Variants in C12orf42 observed in about 807,000 individuals in gnomAD.
C12orf42 encodes chromosome 12 open reading frame 42, also known as uncharacterized protein C12orf42.
C12orf42 carries 25 observed loss-of-function variants against 21.6 expected under a neutral mutation model. The ratio of observed to expected loss-of-function variants is 1.16; its 90% CI spans 0.84 to 1.62. The LOEUF is 1.62. C12orf42 is among the 40% of genes most tolerant of loss of function. The probability of loss-of-function intolerance (pLI) is 0.00; values close to 1 mark genes in which losing one functional copy is unlikely to be tolerated. For synonymous variants in C12orf42, 174 were observed against 175.0 expected, an observed-to-expected ratio of 0.99 and a Z score of 0.05; for missense variants, 483 against 459.3, an observed-to-expected ratio of 1.05 and a Z score of -0.47.
At chr12:103,074,120 G>C in the C12orf42 span, among the ~76,000 whole-genome samples, 8 of 152,140 alleles carry the variant, frequency 5.3e-5, no homozygotes, top group Non-Finnish European at 1.0e-4. Flanking sequence ...CATGTTTACG[G>C]GGAGTTAACC....
At chr12:103,344,107 G>T (rs148270777) in intron 4 of C12orf42, among the ~76,000 whole-genome samples, 1 of 152,282 alleles carries the variant, frequency 6.6e-6, no homozygotes, top group East Asian at 1.9e-4. Flanking sequence ...GAAAAAGGGT[G>T]GAGGCCCTCC....
At chr12:103,069,004 C>T in the C12orf42 span, among the ~76,000 whole-genome samples, 3 of 113,452 alleles carry the variant, frequency 2.6e-5, no homozygotes, top group African/African-American at 9.8e-5. Flanking sequence ...CCTATTAGTT[C>T]TGTCCCTCAA....
intron 4 of C12orf42, among the ~76,000 whole-genome samples, chr12:103,367,496 A>G (rs2044713311): frequency 6.6e-6 from 1 of 151,958 alleles, no homozygotes; most frequent in Admixed American, 6.6e-5. Flanking sequence ...TGAATGAGAA[A>G]GCACTCAATG....
rs75839755 is a variant in C12orf42 at position 103,309,806 on chromosome 12, C to T, written c.260-3461G>A. The stretch of plus-strand genomic sequence containing the variant: ...CTGAATTCAAGGCACAGTCAAATGG[C>T]AAAGAGGGCATTGGCCATGCCAGGT... On this transcript the variant is annotated intron_variant, in intron 4 of 5. Transcript: ENST00000548883. Among the ~76,000 whole-genome samples the T allele has an allele frequency of 8.9e-3, 1,357 of 152,322 alleles. 12 individuals are homozygous for T. The highest frequency in any genetic ancestry group is 0.031 in the African/African-American group (1,291 of 41,570).
At chr12:103,229,049 C>T in the C12orf42 span, among the ~76,000 whole-genome samples, 1 of 152,130 alleles carries the variant, frequency 6.6e-6, no homozygotes, top group East Asian at 1.9e-4. Flanking sequence ...ACCTATTATA[C>T]ACAGTGTATA....
chr12:103,478,639 G>A (rs538547599), intron 1 of C12orf42, among the ~76,000 whole-genome samples, 192 bp from the exon 2 acceptor site: 1 of 148,504 alleles, frequency 6.7e-6, no homozygotes, highest in Admixed American at 6.8e-5. Flanking sequence ...GCCCAGGCTG[G>A]TCTTGAACTA....
intron 2 of C12orf42, among the ~76,000 whole-genome samples, chr12:103,445,884 T>C (rs1951544723): frequency 6.6e-6 from 1 of 152,050 alleles, no homozygotes; most frequent in Non-Finnish European, 1.5e-5. Flanking sequence ...ATTTGTCATT[T>C]TTATTTAAGT....
chr12:103,111,111 A>G, the C12orf42 span, among the ~76,000 whole-genome samples: 2 of 152,158 alleles, frequency 1.3e-5, no homozygotes, highest in African/African-American at 2.4e-5. Flanking sequence ...TTATTTATTT[A>G]TTCTTTCTAT....
At chr12:103,367,137 A>G (rs2044678251) in intron 4 of C12orf42, among the ~76,000 whole-genome samples, 1 of 152,078 alleles carries the variant, frequency 6.6e-6, no homozygotes. Flanking sequence ...AATTAATAGC[A>G]TTCACAGCAA....
At chr12:103,288,969 A>G (rs997626654) in intron 4 of C12orf42, among the ~76,000 whole-genome samples, 1 of 152,166 alleles carries the variant, frequency 6.6e-6, no homozygotes, top group Non-Finnish European at 1.5e-5. Context: ...ATTTCCTCAT[A>G]TCTTGGTTCG....
intron 10 of C12orf42, among the ~76,000 whole-genome samples, chr12:103,246,103 A>G (rs1414946267): frequency 1.3e-5 from 2 of 152,140 alleles, no homozygotes; most frequent in African/African-American, 4.8e-5. Context: ...CTTGCTAACC[A>G]ATTATTATGA....
the C12orf42 span, among the ~76,000 whole-genome samples, chr12:103,053,139 T>C: frequency 6.6e-6 from 1 of 152,020 alleles, no homozygotes; most frequent in African/African-American, 2.4e-5. Flanking sequence ...TGCATATCCA[T>C]ATACTTTGTT....
chr12:103,144,705 T>G, the C12orf42 span, among the ~76,000 whole-genome samples: 3 of 152,312 alleles, frequency 2.0e-5, no homozygotes, highest in South Asian at 6.2e-4. Context: ...GAGAAATTAC[T>G]TAGAATTCAC....
intron 3 of C12orf42, among the ~76,000 whole-genome samples, chr12:103,393,202 G>A (rs2047221373): frequency 6.6e-6 from 1 of 152,182 alleles, no homozygotes; most frequent in African/African-American, 2.4e-5. Flanking sequence ...TCTGCAGGCT[G>A]TACAGGATGC....
At chr12:103,172,687 T>C in the C12orf42 span, among the ~76,000 whole-genome samples, 2 of 152,156 alleles carry the variant, frequency 1.3e-5, no homozygotes, top group Non-Finnish European at 2.9e-5. Context: ...TAATAAATCA[T>C]ACCCAGATTT....
At chr12:103,306,784 T>C (rs1017593604) in intron 4 of C12orf42, among the ~76,000 whole-genome samples, 1 of 152,130 alleles carries the variant, frequency 6.6e-6, no homozygotes, top group Non-Finnish European at 1.5e-5. Context: ...TATTTGGAAA[T>C]AGGGTCTTTG....
intron 3 of C12orf42, among the ~76,000 whole-genome samples, chr12:103,370,911 A>ATTTATATTATTTAT (rs2045161689): frequency 6.6e-6 from 1 of 152,132 alleles, no homozygotes; most frequent in Non-Finnish European, 1.5e-5. Flanking sequence ...ATAAATAAAT[A>ATTTATATTATTTAT]AAAACCACTC....
At chr12:103,185,550 A>G in the C12orf42 span, among the ~76,000 whole-genome samples, 1 of 150,852 alleles carries the variant, frequency 6.6e-6, no homozygotes. Flanking sequence ...GCTCTTGGAA[A>G]TCTCAGTCTC....
At chr12:103,477,454 C>T (rs1278030294) in intron 2 of C12orf42, among the ~76,000 whole-genome samples, 2 of 151,892 alleles carry the variant, frequency 1.3e-5, no homozygotes, top group East Asian at 3.9e-4. Flanking sequence ...ATGTTCATGT[C>T]CTAATGCCTA....
Sources: gnomAD v4.1 joint callset for allele counts (sites outside exome capture counted in the v4.1 genomes callset) on GRCh38, gnomAD v4.1.1 for gene constraint, MANE v1.5 for transcripts, NCBI Gene and HGNC (gene_info 2026-07-23, HGNC 2026-07-21) for gene names.